Variants in PKD2 observed in about 807,000 individuals in gnomAD.
PKD2 encodes the protein polycystin-2.
Under a neutral mutation model 105.9 loss-of-function variants are expected in PKD2, and 48 were observed. The observed-to-expected ratio is 0.45, with a 90% CI of 0.36 to 0.58. PKD2 has a LOEUF of 0.58. PKD2 is among the 20% of genes least tolerant of loss of function. The pLI is 0.00. For missense variants in PKD2, 1,078 were observed against 1,255.3 expected (o/e 0.86, Z 2.13); for synonymous variants, 464 against 481.1 (o/e 0.96, Z 0.46).
At chr4:88,026,168 G>A (rs1325900101) in intron 2 of PKD2, among the ~76,000 whole-genome samples, 4 of 152,164 alleles carry the variant, frequency 2.6e-5, no homozygotes, top group Non-Finnish European at 5.9e-5. Context: ...GAAGATGTGG[G>A]AAAGTTTGGA....
chr4:88,067,762 GTC>G, intron 12 of PKD2, 134 bp from the exon 13 acceptor site: 1 of 769,920 alleles, frequency 1.3e-6, no homozygotes. Context: ...AAATGCAGGA[GTC>G]CCAGCCTGGT....
chr4:88,009,772 A>G (rs576350509), intron 1 of PKD2, among the ~76,000 whole-genome samples: 102 of 152,314 alleles, frequency 6.7e-4, no homozygotes, highest in South Asian at 1.2e-3. Context: ...TAATTATGTT[A>G]TTTTACACCA....
chr4:88,040,632 G>A (rs1727524902), intron 4 of PKD2, among the ~76,000 whole-genome samples: 1 of 152,050 alleles, frequency 6.6e-6, no homozygotes, highest in South Asian at 2.1e-4. Flanking sequence ...CATCTCACCA[G>A]GAAGCTACTA....
Position 88,019,508 on chromosome 4 carries a change from T to A in PKD2, c.646T>A (p.Tyr216Asn), listed in dbSNP as rs1173751614. The change falls in exon 2 of 15, where the codon TAC becomes AAC. Residue 216 changes from tyrosine (Y) to asparagine (N), a missense_variant. Coordinates refer to ENST00000237596, the MANE Select transcript of PKD2 (RefSeq NM_000297.4). ...MEESSTNREK[Y>N]LKSVLRELVT... ...GGAAAGCAGCACTAACCGAGAGAAA[T>A]ACCTTAAAAGTGTTTTACGGGAACT... 55 of 1,608,628 alleles carry A rather than the reference T, an allele frequency of 3.4e-5. No individual in the cohort carries two copies. Among genetic ancestry groups the A allele is most frequent in the Non-Finnish European group, 4.3e-5 (51 of 1,175,202 alleles).
At chr4:88,075,193 C>A (rs1445222209) in intron 14 of PKD2, among the ~76,000 whole-genome samples, 1 of 152,130 alleles carries the variant, frequency 6.6e-6, no homozygotes. Context: ...TATTGTCTAA[C>A]CCTTAGGCTG....
chr4:88,038,475 T>G lies in PKD2; in HGVS notation c.1068T>G (p.Ala356=). 1 of 1,613,908 alleles carries G rather than the reference T, an allele frequency of 6.2e-7. No individual in the cohort carries two copies. The highest frequency in any genetic ancestry group is 8.5e-7 in the Non-Finnish European group (1 of 1,179,798). Residue 356 remains alanine (A), a synonymous_variant, in exon 4 of 15, where the codon GCT becomes GCG. Transcript: ENST00000237596. Reference sequence around the variant, plus strand: ...ACTCTGTCAGTAGTGAAGATAGGGCTCCCTTTGGGCCCCGAAATGGAACCG... The same window carrying G: ...ACTCTGTCAGTAGTGAAGATAGGGCGCCCTTTGGGCCCCGAAATGGAACCG... The part of the protein sequence containing the change: ...DVYSVSSEDR[A]PFGPRNGTAW...
intron 4 of PKD2, among the ~76,000 whole-genome samples, chr4:88,040,682 T>G (rs1433762508): frequency 6.6e-6 from 1 of 152,160 alleles, no homozygotes; most frequent in Non-Finnish European, 1.5e-5. Context: ...AAATCTCAGT[T>G]TTTATCCCCT....
chr4:88,040,393 A>T (rs1727516777), intron 4 of PKD2, among the ~76,000 whole-genome samples: 1 of 152,204 alleles, frequency 6.6e-6, no homozygotes, highest in South Asian at 2.1e-4. Flanking sequence ...ATGTAAAGAT[A>T]CTAATAAATA....
Position 88,073,811 on chromosome 4 carries a change from A to G in PKD2, c.2523-1001A>G, listed in dbSNP as rs368138683. 6.3e-4 allele frequency among the ~76,000 whole-genome samples: 96 copies of G among 152,348 alleles called. No homozygotes were observed. In the South Asian group the frequency reaches 9.3e-3, roughly 15 times the overall value. On this transcript the variant is annotated intron_variant, in intron 13 of 14. Transcript: ENST00000237596. ...CCCTTAAAAGTTTCTAGAAATTTTT[A>G]ATATTTGAGTTTTAAAAAATAATTT...
chr4:88,017,081 T>C (rs1225228090), intron 1 of PKD2, among the ~76,000 whole-genome samples: 2 of 152,004 alleles, frequency 1.3e-5, no homozygotes, highest in Non-Finnish European at 2.9e-5. Flanking sequence ...CCCAGCACTT[T>C]GGGAGGCTGA....
chr4:88,030,557 T>C (rs1290643297), intron 2 of PKD2, among the ~76,000 whole-genome samples: 1 of 152,238 alleles, frequency 6.6e-6, no homozygotes, highest in African/African-American at 2.4e-5. Flanking sequence ...TCAAACCACT[T>C]GTGATCTCAA....
chr4:88,008,561 G>A (rs1726276516), intron 1 of PKD2, among the ~76,000 whole-genome samples: 1 of 152,006 alleles, frequency 6.6e-6, no homozygotes, highest in Non-Finnish European at 1.5e-5. Context: ...CCTTCTTCAG[G>A]ATATGTCACC....
chr4:88,007,765 A>G lies in PKD2; in HGVS notation c.32A>G (p.Gln11Arg). 8.4e-7 allele frequency: 1 copy of G among 1,186,396 alleles called. No individual in the cohort carries two copies. The highest frequency in any genetic ancestry group is 1.1e-6 in the Non-Finnish European group (1 of 949,116). 73.5% of individuals were successfully genotyped at this position (1,186,396 alleles called of 1,614,324 possible). MVNSSRVQPQ[Q>R]PGDAKRPPAP... The stretch of plus-strand genomic sequence containing the variant: ...AACTCCAGTCGCGTGCAGCCTCAGC[A>G]GCCCGGGGACGCCAAGCGGCCGCCC... Residue 11 changes from glutamine (Q) to arginine (R), a missense_variant, in exon 1 of 15, where the codon CAG becomes CGG. Transcript: ENST00000237596.
chr4:88,058,096 T>C lies in PKD2; in HGVS notation c.2012T>C (p.Ile671Thr). 1.3e-6 allele frequency: 2 copies of C among 1,531,444 alleles called. No individual in the cohort carries two copies. Among genetic ancestry groups the C allele is most frequent in the Non-Finnish European group, 1.8e-6 (2 of 1,105,006 alleles). 94.9% of individuals were successfully genotyped at this position (1,531,444 alleles called of 1,614,324 possible). A position where few individuals can be genotyped will look rare whatever the true frequency, so the allele number is the denominator to read the frequency against. ...ACATTTGTGTTCTTTATGTTCTTCA[T>C]TCTTTTGGTATGTACATTTTTATTT... ...FTTFVFFMFF[I>T]LLNMFLAIIN... The change falls in exon 9 of 15, where the codon ATT becomes ACT. Residue 671 changes from isoleucine (I) to threonine (T), a missense_variant. Physicochemically the swap from Ile to Thr is moderately conservative, Grantham distance 89. Transcript: ENST00000237596.
At chr4:88,066,516 C>G (rs1227547517) in intron 12 of PKD2, among the ~76,000 whole-genome samples, 2 of 152,006 alleles carry the variant, frequency 1.3e-5, no homozygotes, top group Non-Finnish European at 2.9e-5. Flanking sequence ...CACATGCCAT[C>G]ATGCCCGGCT....
Position 88,007,703 on chromosome 4 carries a change from C to G in PKD2, c.-31C>G. Reference sequence around the variant, plus strand: ...GCGCACAGCGCCGAGCGCGGCGCCGCGCACCCGCGCGCCGGACGCCAGTGA... The same window carrying G: ...GCGCACAGCGCCGAGCGCGGCGCCGGGCACCCGCGCGCCGGACGCCAGTGA... On this transcript the variant is annotated 5_prime_UTR_variant, in exon 1 of 15. Coordinates refer to ENST00000237596, the MANE Select transcript of PKD2 (RefSeq NM_000297.4). The G allele has an allele frequency of 6.9e-6, 8 of 1,165,390 alleles. No individual in the cohort carries two copies. The highest frequency in any genetic ancestry group is 8.5e-6 in the Non-Finnish European group (8 of 938,502). The allele number at this position is 1,165,390 out of a possible 1,614,324, so 72.2% of individuals were successfully genotyped here. A position where few individuals can be genotyped will look rare whatever the true frequency, so the allele number is the denominator to read the frequency against.
At chr4:88,062,339 A>G (rs1257456746) in intron 10 of PKD2, among the ~76,000 whole-genome samples, 2 of 152,214 alleles carry the variant, frequency 1.3e-5, no homozygotes, top group Non-Finnish European at 2.9e-5. Context: ...TTGAGAATAA[A>G]CTAGAAGGGA....
At chr4:88,015,535 C>T (rs776792148) in intron 1 of PKD2, among the ~76,000 whole-genome samples, 2 of 152,140 alleles carry the variant, frequency 1.3e-5, no homozygotes, top group Non-Finnish European at 2.9e-5. Context: ...GCCTCAGCCT[C>T]CCGAGTAGCT....
chr4:88,025,860 TTC>T (rs1354687916), intron 2 of PKD2, among the ~76,000 whole-genome samples: 1 of 152,180 alleles, frequency 6.6e-6, no homozygotes, highest in Non-Finnish European at 1.5e-5. Flanking sequence ...CCCCTTCTTT[TTC>T]TCTCTCCTGC....
Sources: allele counts gnomAD v4.1 joint callset (sites outside exome capture counted in the v4.1 genomes callset), GRCh38; gene constraint gnomAD v4.1.1; transcripts MANE v1.5; gene names NCBI Gene and HGNC (gene_info 2026-07-23, HGNC 2026-07-21).